CMAS: variants seen among roughly 807,000 people sequenced by gnomAD.
The protein encoded by CMAS is N-acylneuraminate cytidylyltransferase.
In CMAS, 21 loss-of-function variants were observed where a neutral mutation model predicts 53.4. That is an observed-to-expected ratio of 0.39 (90% CI 0.28 to 0.57). CMAS has a LOEUF of 0.57. Ranked by LOEUF, CMAS falls within the 20% of genes least tolerant of loss-of-function variation. The probability of loss-of-function intolerance (pLI) is 0.56; values close to 1 mark genes in which losing one functional copy is unlikely to be tolerated. For synonymous variants in CMAS, 189 were observed against 195.2 expected, an observed-to-expected ratio of 0.97 and a Z score of 0.27; for missense variants, 384 against 534.9, an observed-to-expected ratio of 0.72 and a Z score of 2.78.
At chr12:22,064,010 AT>A (rs1327710962) in intron 7 of CMAS, 4 of 151,998 alleles carry the variant, frequency 2.6e-5, no homozygotes, top group Non-Finnish European at 5.9e-5. Context: ...TCTTAAAAAA[AT>A]CAATACTTTT....
Position 22,060,921 on chromosome 12 carries a change from A to T in CMAS, c.783A>T (p.Val261=). The T allele has an allele frequency of 6.4e-7, 1 of 1,569,908 alleles. No homozygotes were observed. The highest frequency in any genetic ancestry group is 1.1e-5 in the South Asian group (1 of 89,880). ...DIDWPIAEQR[V]LRYGYFGKEK... ...ATTGGCCTATTGCAGAGCAAAGAGT[A>T]TTAAGGTAAAAACAAATAAACCTTT... The change falls in exon 5 of 8, where the codon GTA becomes GTT. Residue 261 remains valine, a synonymous_variant. Coordinates refer to ENST00000229329, the MANE Select transcript of CMAS (RefSeq NM_018686.6).
In CMAS at chr12:22,057,848, G is replaced by A. The variant is rs373687405; in HGVS notation, c.560-719G>A. Among the ~76,000 whole-genome samples the A allele has an allele frequency of 1.6e-4, 24 of 147,172 alleles. No homozygotes were observed. The East Asian group carries it at 4.2e-3, about 26-fold the overall frequency. On this transcript the variant is annotated intron_variant, in intron 3 of 7. Transcript: ENST00000229329. Reference sequence around the variant, plus strand: ...AGTTCTTTTTTTTTTTTTTGAGACAGAGTCTCACTCTGTTGCCCAGGCTGG... The same window carrying A: ...AGTTCTTTTTTTTTTTTTTGAGACAAAGTCTCACTCTGTTGCCCAGGCTGG...
intron 4 of CMAS, among the ~76,000 whole-genome samples, chr12:22,060,115 A>G (rs1370598573): frequency 6.6e-6 from 1 of 151,976 alleles, no homozygotes; most frequent in African/African-American, 2.4e-5. Context: ...CAAAAACCTT[A>G]ATACTGCTTT....
At position 22,046,378 on chromosome 12, in the gene CMAS, G is replaced by C. The variant is rs777852074; in HGVS notation, c.75G>C (p.Pro25=). 9 of 1,568,030 alleles carry C rather than the reference G, an allele frequency of 5.7e-6. No homozygotes were observed. In the South Asian group the frequency reaches 9.4e-5, roughly 16 times the overall value. Residue 25 remains proline (P), a synonymous_variant, in exon 1 of 8, where the codon CCG becomes CCC. Coordinates refer to ENST00000229329, the MANE Select transcript of CMAS (RefSeq NM_018686.6). ...GGCGACCGTCCCGGGGCCGGCCGCC[G>C]AAGCTGCAGCGCAACTCTCGCGGCG... ...PRGRPSRGRP[P]KLQRNSRGGQ... is the part of the protein sequence containing the mutation.
intron 4 of CMAS, 121 bp from the exon 5 acceptor site, chr12:22,060,711 C>A: frequency 1.7e-6 from 1 of 584,456 alleles, no homozygotes. Context: ...CTGATTTTTA[C>A]TGGGTTATTC....
At chr12:22,058,785 T>C in intron 4 of CMAS, 85 bp downstream of exon 4, 1 of 1,461,804 alleles carries the variant, frequency 6.8e-7, no homozygotes, top group Admixed American at 2.3e-5. Context: ...GTACAATTTC[T>C]TTATGATAAA....
intron 1 of CMAS, among the ~76,000 whole-genome samples, chr12:22,052,769 G>A (rs1422649871): frequency 3.9e-5 from 6 of 152,120 alleles, no homozygotes; most frequent in Admixed American, 3.9e-4. Context: ...CGTTCGCCCT[G>A]CATAGAGTGA....
chr12:22,056,096 T>C (rs1950266386), intron 3 of CMAS, among the ~76,000 whole-genome samples: 1 of 152,202 alleles, frequency 6.6e-6, no homozygotes. Context: ...ATAAATCTTA[T>C]CCAGAGAATT....
At chr12:22,057,194 G>C (rs960982835) in intron 3 of CMAS, among the ~76,000 whole-genome samples, 1 of 150,074 alleles carries the variant, frequency 6.7e-6, no homozygotes, top group African/African-American at 2.4e-5. Flanking sequence ...GCAGCAAAAA[G>C]TGAAGAAAGA....
At chr12:22,062,472 A>G in intron 7 of CMAS, 38 bp downstream of exon 7, 2 of 1,575,496 alleles carry the variant, frequency 1.3e-6, no homozygotes, top group Non-Finnish European at 8.6e-7. Context: ...AAAATGGACC[A>G]GGAATTAATT....
intron 4 of CMAS, among the ~76,000 whole-genome samples, chr12:22,060,333 TAAAAAAAAAA>T (rs58755366): frequency 2.0e-4 from 11 of 54,140 alleles, no homozygotes; most frequent in African/African-American, 3.1e-4. Flanking sequence ...GCTTTCTCCT[TAAAAAAAAAA>T]AAAAAAAAAA....
intron 1 of CMAS, among the ~76,000 whole-genome samples, chr12:22,048,345 A>T (rs2138176228): frequency 6.6e-6 from 1 of 152,252 alleles, no homozygotes; most frequent in Admixed American, 6.5e-5. Flanking sequence ...CTCTGGATAG[A>T]CCCTTTATGG....
intron 1 of CMAS, among the ~76,000 whole-genome samples, chr12:22,052,557 A>G (rs548296057): frequency 5.3e-5 from 8 of 152,304 alleles, no homozygotes; most frequent in Non-Finnish European, 1.2e-4. Flanking sequence ...TAGATGCCAA[A>G]TTACCATGTC....
chr12:22,059,128 T>TATATATATA (rs1565531140), intron 4 of CMAS, among the ~76,000 whole-genome samples: 12 of 136,936 alleles, frequency 8.8e-5, no homozygotes, highest in African/African-American at 3.3e-4. Context: ...CGGAATCTTT[T>TATATATATA]TATATATATA....
intron 3 of CMAS, among the ~76,000 whole-genome samples, chr12:22,057,566 A>G (rs1280828266): frequency 6.6e-6 from 1 of 152,174 alleles, no homozygotes; most frequent in African/African-American, 2.4e-5. Context: ...ACCACATTAG[A>G]TAAATAAAAC....
intron 1 of CMAS, among the ~76,000 whole-genome samples, chr12:22,053,193 A>C (rs1950246806): frequency 6.6e-6 from 1 of 151,990 alleles, no homozygotes. Flanking sequence ...CAGGAGCCTA[A>C]GGCATGAGAA....
At chr12:22,059,128 T>TATATATA (rs1565531140) in intron 4 of CMAS, among the ~76,000 whole-genome samples, 43 of 136,934 alleles carry the variant, frequency 3.1e-4, no homozygotes, top group African/African-American at 1.1e-3. Context: ...CGGAATCTTT[T>TATATATA]TATATATATA....
chr12:22,059,959 C>T (rs1417203673), intron 4 of CMAS, among the ~76,000 whole-genome samples: 1 of 151,944 alleles, frequency 6.6e-6, no homozygotes, highest in Non-Finnish European at 1.5e-5. Flanking sequence ...AAGAGACTGC[C>T]CTTGCCTTTG....
chr12:22,054,904 G>A (rs1318488362), intron 1 of CMAS, among the ~76,000 whole-genome samples: 1 of 151,948 alleles, frequency 6.6e-6, no homozygotes, highest in African/African-American at 2.4e-5. Flanking sequence ...GTAGGCCCCA[G>A]TGTCTGTTGT....
Sources: gnomAD v4.1 joint callset for allele counts (sites outside exome capture counted in the v4.1 genomes callset) on GRCh38, gnomAD v4.1.1 for gene constraint, MANE v1.5 for transcripts, NCBI Gene and HGNC (gene_info 2026-07-23, HGNC 2026-07-21) for gene names.